Variants in ODF2L observed in about 807,000 individuals in gnomAD.
The protein encoded by ODF2L is protein BCAP.
A neutral mutation model predicts 86.3 loss-of-function variants in ODF2L; 76 were observed. The ratio of observed to expected loss-of-function variants is 0.88; its 90% CI spans 0.73 to 1.07. The LOEUF (loss-of-function observed/expected upper bound fraction) is 1.07. ODF2L is among the 50% of genes least tolerant of loss of function. The pLI is 0.00. For synonymous variants in ODF2L, 241 were observed against 231.3 expected (o/e 1.04, Z -0.38); for missense variants, 748 against 717.4 (o/e 1.04, Z -0.49).
chr1:86,353,815 C>T (rs1023334652), intron 16 of ODF2L, among the ~76,000 whole-genome samples: 4 of 152,190 alleles, frequency 2.6e-5, no homozygotes, highest in African/African-American at 4.8e-5. Flanking sequence ...CCCTTGGCGC[C>T]GTCCCCTCAG....
chr1:86,372,591 T>C, intron 8 of ODF2L, 51 bp from the exon 9 acceptor site: 1 of 1,003,030 alleles, frequency 1.0e-6, no homozygotes, highest in Non-Finnish European at 1.4e-6. Flanking sequence ...CATTTTTGTT[T>C]TGTTCAGATC....
chr1:86,390,048 T>A (rs1036175082), intron 1 of ODF2L, among the ~76,000 whole-genome samples: 22 of 152,070 alleles, frequency 1.4e-4, no homozygotes, highest in African/African-American at 5.3e-4. Context: ...GAAACCAGTA[T>A]CACCCTAATG....
intron 8 of ODF2L, among the ~76,000 whole-genome samples, chr1:86,375,827 G>A (rs1660128938): frequency 6.6e-6 from 1 of 152,128 alleles, no homozygotes; most frequent in South Asian, 2.1e-4. Context: ...AAAAAAGTGT[G>A]GGAAACTCTT....
intron 11 of ODF2L, 59 bp from the exon 11 acceptor site, chr1:86,360,595 C>T: frequency 1.4e-6 from 1 of 700,030 alleles, no homozygotes; most frequent in Non-Finnish European, 2.4e-6. Context: ...TCCAGTGCTA[C>T]AGAATTATTA....
chr1:86,376,320 A>G (rs752983969), exon 8 of ODF2L: 8 of 1,612,752 alleles, frequency 5.0e-6, no homozygotes, highest in Middle Eastern at 1.7e-4. Flanking sequence ...CCTTTTTTAA[A>G]GCTACAGTTT....
At chr1:86,363,375 C>A (rs549361715) in intron 11 of ODF2L, among the ~76,000 whole-genome samples, 1 of 152,152 alleles carries the variant, frequency 6.6e-6, no homozygotes, top group South Asian at 2.1e-4. Flanking sequence ...GCCTCGAGCA[C>A]ATAGATGGTA....
intron 2 of ODF2L, chr1:86,386,194 A>G (rs1375116953): frequency 6.6e-6 from 1 of 152,240 alleles, no homozygotes; most frequent in Admixed American, 6.5e-5. Context: ...GCAATATTTC[A>G]TGTAAATAAC....
chr1:86,362,926 G>A (rs1216760227), intron 11 of ODF2L, among the ~76,000 whole-genome samples: 1 of 152,174 alleles, frequency 6.6e-6, no homozygotes, highest in Non-Finnish European at 1.5e-5. Flanking sequence ...CCAAAGTGCT[G>A]GGATTACAGC....
chr1:86,387,069 C>G, exon 2 of ODF2L: 1 of 899,934 alleles, frequency 1.1e-6, no homozygotes, highest in Non-Finnish European at 1.7e-6. Flanking sequence ...ACAGCGACTT[C>G]TCCACATAAG....
At chr1:86,348,654 C>A, downstream of ODF2L, 1 of 1,094,046 alleles carries the variant, frequency 9.1e-7, no homozygotes. Context: ...ACTCATAAAT[C>A]ATAAAATGTA....
intron 4 of ODF2L, 81 bp downstream of exon 4, chr1:86,384,595 A>G: frequency 1.1e-6 from 1 of 919,072 alleles, no homozygotes; most frequent in Non-Finnish European, 1.5e-6. Context: ...ATATACCAAT[A>G]ATTTCTACAG....
At chr1:86,373,621 A>G (rs1305084501) in intron 8 of ODF2L, among the ~76,000 whole-genome samples, 1 of 151,846 alleles carries the variant, frequency 6.6e-6, no homozygotes, top group Non-Finnish European at 1.5e-5. Flanking sequence ...TCTTGAATTA[A>G]TTTCATGCTC....
intron 13 of ODF2L, chr1:86,357,862 T>G (rs1658704762): frequency 1.0e-6 from 1 of 985,162 alleles, no homozygotes; most frequent in East Asian, 1.1e-4. Context: ...TTGTAAAATA[T>G]GCTTTTATTT....
intron 2 of ODF2L, chr1:86,385,868 G>A: frequency 4.7e-6 from 1 of 212,590 alleles, no homozygotes. Context: ...AAAATTCCAA[G>A]TGATATGGAA....
chr1:86,371,377 C>G (rs894288809), intron 9 of ODF2L, among the ~76,000 whole-genome samples: 1 of 152,012 alleles, frequency 6.6e-6, no homozygotes, highest in African/African-American at 2.4e-5. Context: ...CTGATGATAC[C>G]AACAAAAAAT....
chr1:86,354,043 G>C (rs920012451), intron 16 of ODF2L, among the ~76,000 whole-genome samples: 1 of 152,192 alleles, frequency 6.6e-6, no homozygotes, highest in Non-Finnish European at 1.5e-5. Context: ...TGAGAGCTAA[G>C]GCCAGGTCTT....
At chr1:86,348,669 G>A, downstream of ODF2L, 3 of 1,162,204 alleles carry the variant, frequency 2.6e-6, no homozygotes, top group Non-Finnish European at 3.4e-6. Context: ...AATGTAACTG[G>A]TAGTATATTT....
Position 86,382,884 on chromosome 1 carries a change from CAATATT to C in ODF2L, c.507+41_507+46del, listed in dbSNP as rs529566075. ...GCCAGGATGGGAAAAAAAAGGGAGT[CAATATT>C]AATATAATGAATTAAGCTCAAAAGC... On this transcript the variant is annotated intron_variant, in intron 6 of 17. Transcript: ENST00000317336. The C allele has an allele frequency of 1.3e-3, 1,133 of 873,798 alleles. 4 individuals carry two copies. The African/African-American group carries it at 0.016, about 13-fold the overall frequency. 54.1% of individuals were successfully genotyped at this position (873,798 alleles called of 1,614,324 possible). A position where few individuals can be genotyped will look rare whatever the true frequency, so the allele number is the denominator to read the frequency against.
downstream of ODF2L, chr1:86,347,822 G>C (rs979934072): frequency 6.6e-6 from 1 of 152,114 alleles, no homozygotes; most frequent in African/African-American, 2.4e-5. Flanking sequence ...TGTAAACCAC[G>C]TCATCCCCTT....
Sources: allele counts gnomAD v4.1 joint callset (sites outside exome capture counted in the v4.1 genomes callset), GRCh38; gene constraint gnomAD v4.1.1; transcripts MANE v1.5; gene names NCBI Gene and HGNC (gene_info 2026-07-23, HGNC 2026-07-21).